Variants in CLCN7 observed in about 807,000 individuals in gnomAD.
CLCN7 encodes H(+)/Cl(-) exchange transporter 7.
CLCN7 carries 60 observed loss-of-function variants against 102.1 expected under a neutral mutation model. The ratio of observed to expected loss-of-function variants is 0.59; its 90% CI spans 0.48 to 0.73. CLCN7 has a LOEUF of 0.73. CLCN7 is among the 30% of genes least tolerant of loss of function. The probability of loss-of-function intolerance (pLI) is 0.00; values close to 1 mark genes in which losing one functional copy is unlikely to be tolerated. For missense variants in CLCN7, 962 were observed against 1,125.7 expected (o/e 0.85, Z 2.08); for synonymous variants, 560 against 490.5 (o/e 1.14, Z -1.87).
At chr16:1,469,237 G>C (rs2039045605) in intron 1 of CLCN7, among the ~76,000 whole-genome samples, 2 of 151,804 alleles carry the variant, frequency 1.3e-5, no homozygotes, top group African/African-American at 4.8e-5. Flanking sequence ...CAAAATAAAA[G>C]TCAAAATAAT....
At chr16:1,456,529 G>T (rs1350940483) in intron 9 of CLCN7, among the ~76,000 whole-genome samples, 1 of 152,198 alleles carries the variant, frequency 6.6e-6, no homozygotes, top group African/African-American at 2.4e-5. Flanking sequence ...TTGTCCTGCG[G>T]GACGCTGCCT....
At position 1,448,781 on chromosome 16, in the gene CLCN7, G is replaced by T; in HGVS notation, c.1798-15C>A. ...TCGTACAGGCCCTGCGGGCGGGGCGGGAACACAGGGCTTGAGGAGTCCACA... is the reference window on the plus strand; with the variant it reads ...TCGTACAGGCCCTGCGGGCGGGGCGTGAACACAGGGCTTGAGGAGTCCACA... On this transcript the variant is annotated splice_polypyrimidine_tract_variant and intron_variant, in intron 19 of 24. Transcript: ENST00000382745. 6.2e-7 allele frequency: 1 copy of T among 1,609,426 alleles called. No individual in the cohort carries two copies.
chr16:1,468,899 G>T (rs1452613968), intron 1 of CLCN7, among the ~76,000 whole-genome samples: 1 of 152,022 alleles, frequency 6.6e-6, no homozygotes, highest in South Asian at 2.1e-4. Flanking sequence ...TGATTTAAAA[G>T]TCAAAAAAGG....
In CLCN7 at chr16:1,453,209, C is replaced by T. The variant is rs2038782093; in HGVS notation, c.1215-316G>A. ...GAATTTTTTAGTAGAGACGGGGTTT[C>T]TCCATGTTGGTCAAGCTGGTCTAGA... On this transcript the variant is annotated intron_variant, in intron 14 of 24. Transcript: ENST00000382745. 2.0e-5 allele frequency among the ~76,000 whole-genome samples: 3 copies of T among 152,094 alleles called. No individual in the cohort carries two copies. In the South Asian group the frequency reaches 6.2e-4, roughly 32 times the overall value.
chr16:1,474,804 T>G (rs1466420685), intron 1 of CLCN7, 30 bp downstream of exon 1: 7 of 1,297,428 alleles, frequency 5.4e-6, no homozygotes, highest in Non-Finnish European at 6.8e-6. Flanking sequence ...GAGGGCTCAG[T>G]TTCCCCGCCT....
intron 1 of CLCN7, among the ~76,000 whole-genome samples, chr16:1,468,746 C>T (rs150875051): frequency 7.5e-6 from 1 of 134,214 alleles, no homozygotes; most frequent in Non-Finnish European, 1.7e-5. Flanking sequence ...CTTCCTGGTG[C>T]TTACGCGGAT....
chr16:1,457,111 C>A lies in CLCN7; in HGVS notation c.822+143G>T. The stretch of plus-strand genomic sequence containing the variant: ...GCCGGGCAGGGACTGTGCCCGCTGG[C>A]TCTGGGAGCCACCCGCCAGGCTGTC... On this transcript the variant is annotated intron_variant, in intron 9 of 24. Transcript: ENST00000382745. This position sits in a 1 kb window ranked among gnomAD's most constrained non-coding sequence, Gnocchi z 5.4. 1 of 788,146 alleles carries A rather than the reference C, an allele frequency of 1.3e-6. No individual in the cohort carries two copies. The highest frequency in any genetic ancestry group is 2.2e-6 in the Non-Finnish European group (1 of 457,358). The allele number at this position is 788,146 out of a possible 1,614,324, so 48.8% of individuals were successfully genotyped here. A position where few individuals can be genotyped will look rare whatever the true frequency, so the allele number is the denominator to read the frequency against.
At chr16:1,471,094 C>T in intron 1 of CLCN7, among the ~76,000 whole-genome samples, 1 of 152,172 alleles carries the variant, frequency 6.6e-6, no homozygotes, top group Non-Finnish European at 1.5e-5. Flanking sequence ...ACCACTACAC[C>T]ACACAAAGCA....
rs913724473 is a variant in CLCN7, at chr16:1,474,041, G to A, written c.141+793C>T. ...GGGGGTTGCAGTGAGCCGAGATCGC[G>A]CCATTGCACTCCAGCCTGGGCAACT... On this transcript the variant is annotated intron_variant, in intron 1 of 24. Coordinates refer to ENST00000382745, the MANE Select transcript of CLCN7 (RefSeq NM_001287.6). 4.9e-5 allele frequency: 21 copies of A among 426,216 alleles called. No homozygotes were observed. The Admixed American group carries it at 5.7e-4, about 12-fold the overall frequency. The allele number at this position is 426,216 out of a possible 1,614,324, so 26.4% of individuals were successfully genotyped here.
chr16:1,448,528 A>C, intron 20 of CLCN7, 44 bp from the exon 21 acceptor site: 1 of 1,603,106 alleles, frequency 6.2e-7, no homozygotes. Flanking sequence ...CACGCCACCA[A>C]CTCCCACAGT....
chr16:1,474,827 G>A lies in CLCN7; in HGVS notation c.141+7C>T, dbSNP rs1261038376. 2 of 1,342,484 alleles carry A rather than the reference G, an allele frequency of 1.5e-6. No individual in the cohort carries two copies. The highest frequency in any genetic ancestry group is 3.6e-5 in the South Asian group (2 of 55,680). The allele number at this position is 1,342,484 out of a possible 1,614,324, so 83.2% of individuals were successfully genotyped here. On this transcript the variant is annotated splice_region_variant and intron_variant, in intron 1 of 24. Transcript: ENST00000382745. ...AGTTTCCCCGCCTGCGCCCTGCCCGGCCTCACCTGGCGCGCAGCCCCAGGC... is the reference window on the plus strand; with the variant it reads ...AGTTTCCCCGCCTGCGCCCTGCCCGACCTCACCTGGCGCGCAGCCCCAGGC...
At chr16:1,453,938 T>C (rs1305857082) in intron 13 of CLCN7, 44 bp from the exon 14 acceptor site, 1 of 1,598,902 alleles carries the variant, frequency 6.3e-7, no homozygotes, top group Middle Eastern at 1.7e-4. Flanking sequence ...GGAGGAAAAG[T>C]GCGGGCCTCC....
At chr16:1,474,750 G>T in intron 1 of CLCN7, 84 bp downstream of exon 1, 1 of 1,137,596 alleles carries the variant, frequency 8.8e-7, no homozygotes, top group Non-Finnish European at 1.1e-6. Flanking sequence ...CGAGACACGC[G>T]GCGCCGCCAG....
intron 17 of CLCN7, chr16:1,450,021 G>A (rs1179060993): frequency 3.9e-5 from 7 of 177,880 alleles, no homozygotes; most frequent in South Asian, 1.2e-4. Context: ...TTATTTAAGC[G>A]ACTGAAATGA....
At chr16:1,449,924 C>T (rs937776898) in intron 17 of CLCN7, 1 of 180,140 alleles carries the variant, frequency 5.6e-6, no homozygotes, top group Non-Finnish European at 1.2e-5. Flanking sequence ...AGCACACGGG[C>T]CTGGGGAGCA....
chr16:1,459,169 C>A lies in CLCN7; in HGVS notation c.613G>T (p.Gly205Ter). The stretch of plus-strand genomic sequence containing the variant: ...AGGAAGCACTTGATCTGGGGGATTC[C>A]GCTGCCAGCAGCCACCGGCTGAAAG... ...AFIEPVAAGS[G>*]IPQIKCFLNG... The change falls in exon 7 of 25, where the codon GGA (glycine) becomes TGA (stop). Residue 205 changes from glycine (G) to a stop codon, truncating the protein, a stop_gained. Coordinates refer to ENST00000382745, the MANE Select transcript of CLCN7 (RefSeq NM_001287.6). LOFTEE classifies it high-confidence loss of function. 1 of 1,613,232 alleles carries A rather than the reference C, an allele frequency of 6.2e-7. No individual in the cohort carries two copies. The highest frequency in any genetic ancestry group is 8.5e-7 in the Non-Finnish European group (1 of 1,179,910).
chr16:1,468,250 G>A (rs1167236442), intron 1 of CLCN7, among the ~76,000 whole-genome samples: 1 of 152,202 alleles, frequency 6.6e-6, no homozygotes, highest in Non-Finnish European at 1.5e-5. Flanking sequence ...AAGGCTGCCG[G>A]TGCAGTATGT....
Position 1,474,932 on chromosome 16 carries a change from G to A in CLCN7, c.43C>T (p.Arg15Trp), listed in dbSNP as rs1596234094. The change falls in exon 1 of 25, where the codon CGG becomes TGG. Residue 15 changes from arginine (R) to tryptophan (W), a missense_variant. By Grantham distance (101) the Arg-to-Trp change is moderately radical. Around this residue, in one of 2 missense-constraint regions of CLCN7, gnomAD observed 163 missense variants for 137.7 expected, o/e 1.18. Coordinates refer to ENST00000382745, the MANE Select transcript of CLCN7 (RefSeq NM_001287.6). ...SKKVSWSGRD[R>W]DDEEAAPLLR... Reference sequence around the variant, plus strand: ...AGCGGCGCCGCCTCCTCGTCGTCCCGGTCCCGGCCGGACCAGGACACCTTC... The same window carrying A: ...AGCGGCGCCGCCTCCTCGTCGTCCCAGTCCCGGCCGGACCAGGACACCTTC... 3.4e-6 allele frequency: 5 copies of A among 1,480,878 alleles called. No homozygotes were observed. The highest frequency in any genetic ancestry group is 2.2e-5 in the Admixed American group (1 of 45,794). The allele number at this position is 1,480,878 out of a possible 1,614,324, so 91.7% of individuals were successfully genotyped here. A position where few individuals can be genotyped will look rare whatever the true frequency, so the allele number is the denominator to read the frequency against.
At chr16:1,449,114 C>A in intron 18 of CLCN7, 21 bp from the exon 19 acceptor site, 1 of 1,612,656 alleles carries the variant, frequency 6.2e-7, no homozygotes, top group Non-Finnish European at 8.5e-7. Context: ...CATCATGAAC[C>A]CCAGCACGTC....
Sources: allele counts gnomAD v4.1 joint callset (sites outside exome capture counted in the v4.1 genomes callset), GRCh38; gene constraint gnomAD v4.1.1; regional missense constraint gnomAD v4.1.1; non-coding constraint Gnocchi (gnomAD v3.1); transcripts MANE v1.5; gene names NCBI Gene and HGNC (gene_info 2026-07-23, HGNC 2026-07-21).